The following CPSF4L variants were observed in gnomAD, a reference collection of about 807,000 sequenced individuals.
The protein encoded by CPSF4L is cleavage and polyadenylation specific factor 4 like, also known as putative cleavage and polyadenylation specificity factor subunit 4-like protein.
Under a neutral mutation model 24.0 loss-of-function variants are expected in CPSF4L, and 18 were observed. The ratio of observed to expected loss-of-function variants is 0.75; its 90% CI spans 0.52 to 1.11. The LOEUF is 1.11. Ranked by LOEUF, CPSF4L falls within the 50% of genes least tolerant of loss-of-function variation. The pLI is 0.00. For synonymous variants in CPSF4L, 72 were observed against 77.2 expected (o/e 0.93, Z 0.35); for missense variants, 211 against 221.8 (o/e 0.95, Z 0.31).
chr17:73,250,700 C>T (rs1263471092), intron 5 of CPSF4L, among the ~76,000 whole-genome samples: 19 of 152,216 alleles, frequency 1.2e-4, no homozygotes, highest in Non-Finnish European at 5.9e-5. Context: ...TAACCATACT[C>T]TGCCCTCCTG....
At chr17:73,260,824 G>A in intron 2 of CPSF4L, 109 bp downstream of exon 2, 1 of 705,836 alleles carries the variant, frequency 1.4e-6, no homozygotes, top group Non-Finnish European at 2.3e-6. Context: ...TCCCTCCCCA[G>A]GTGCAAATTC....
downstream of CPSF4L, chr17:73,248,173 T>A (rs1017487932): frequency 6.6e-6 from 2 of 303,704 alleles, no homozygotes; most frequent in Non-Finnish European, 1.2e-5. Context: ...TTCCTATCAG[T>A]TCATTTGCAC....
chr17:73,251,058 A>G (rs2145274445), intron 5 of CPSF4L: 1 of 1,549,848 alleles, frequency 6.5e-7, no homozygotes, highest in East Asian at 2.4e-5. Flanking sequence ...CCAAGCTTCC[A>G]CAGCAGAAAT....
At chr17:73,256,063 CT>C (rs1434939919) in intron 3 of CPSF4L, among the ~76,000 whole-genome samples, 1 of 152,182 alleles carries the variant, frequency 6.6e-6, no homozygotes, top group Non-Finnish European at 1.5e-5. Context: ...TAGATTACAT[CT>C]TGTAATCATG....
upstream of CPSF4L, chr17:73,261,898 G>A (rs2062048204): frequency 1.9e-6 from 2 of 1,078,910 alleles, no homozygotes; most frequent in Admixed American, 4.1e-5. Context: ...AGGCCCTTAA[G>A]GGGCCAGCGC....
downstream of CPSF4L, chr17:73,245,543 T>A: frequency 1.0e-6 from 1 of 985,400 alleles, no homozygotes; most frequent in Non-Finnish European, 1.2e-6. Flanking sequence ...AAAGCTAGTA[T>A]CTCATTACCA....
At position 73,260,968 on chromosome 17, in the gene CPSF4L, A is replaced by G. The variant is rs1205212182; in HGVS notation, c.119T>C (p.Val40Ala). The G allele has an allele frequency of 1.9e-6, 3 of 1,550,518 alleles. No individual in the cohort carries two copies. Among genetic ancestry groups the G allele is most frequent in the Admixed American group, 3.9e-5 (2 of 50,944 alleles). The change falls in exon 2 of 6, where the codon GTG (valine) becomes GCG (alanine). Residue 40 changes from valine (V) to alanine (A), a missense_variant. By Grantham distance (64) the Val-to-Ala change is moderately conservative. Transcript: ENST00000344935. ...FQGMDKSASAVCNFFTKGLCE... is the reference protein window; with the variant it reads ...FQGMDKSASAACNFFTKGLCE... ...GAGCCCTTTAGTGAAGAAGTTGCAC[A>G]CAGCTGAGGCCGACTCTGGAAGGAG...
At chr17:73,245,829 A>G (rs1289131349), downstream of CPSF4L, 2 of 620,728 alleles carry the variant, frequency 3.2e-6, no homozygotes, top group Non-Finnish European at 4.0e-6. Flanking sequence ...AATTGAGTAT[A>G]ATAATGAACC....
At chr17:73,257,286 G>T (rs2062027591) in intron 3 of CPSF4L, among the ~76,000 whole-genome samples, 1 of 152,142 alleles carries the variant, frequency 6.6e-6, no homozygotes, top group Non-Finnish European at 1.5e-5. Context: ...CTGGGGCTTT[G>T]AGGGTACAGC....
intron 4 of CPSF4L, 94 bp downstream of exon 4, chr17:73,253,837 G>GC: frequency 1.3e-6 from 1 of 761,700 alleles, no homozygotes; most frequent in East Asian, 2.7e-5. Context: ...TTTCTCCAAG[G>GC]CACAGCCTCA....
At chr17:73,247,680 G>C (rs1053523202), downstream of CPSF4L, 1 of 198,138 alleles carries the variant, frequency 5.0e-6, no homozygotes, top group African/African-American at 2.3e-5. Context: ...TAAGGCAAAG[G>C]TGAGATCCTG....
At chr17:73,257,369 T>G (rs1473244621) in intron 3 of CPSF4L, among the ~76,000 whole-genome samples, 1 of 151,890 alleles carries the variant, frequency 6.6e-6, no homozygotes, top group African/African-American at 2.4e-5. Flanking sequence ...ATGGCTCATT[T>G]GAGACATTTC....
At chr17:73,252,756 C>A in intron 4 of CPSF4L, 33 bp from the exon 5 acceptor site, 1 of 1,458,400 alleles carries the variant, frequency 6.9e-7, no homozygotes, top group Non-Finnish European at 9.4e-7. Context: ...TGAGAAGGAT[C>A]CGCTTCAGCA....
rs917410480 is a variant in CPSF4L, at chr17:73,261,762, G to A, written c.57C>T (p.Val19=). 2.6e-6 allele frequency: 4 copies of A among 1,551,632 alleles called. No individual in the cohort carries two copies. Among genetic ancestry groups the A allele is most frequent in the Non-Finnish European group, 3.5e-6 (4 of 1,146,982 alleles). ...GGAGCCCAGTGCCCTTCTGCATCTC[G>A]ACATCCTTCTCGAAGGCAAAGGTGA... ...ERFTFAFEKD[V]EMQKGTGLLP... is the part of the protein sequence containing the mutation. The change falls in exon 1 of 6, where the codon GTC becomes GTT. Residue 19 remains valine, a synonymous_variant. Transcript: ENST00000344935.
At chr17:73,262,539 G>C (rs976484308), upstream of CPSF4L, among the ~76,000 whole-genome samples, 1 of 152,222 alleles carries the variant, frequency 6.6e-6, no homozygotes, top group East Asian at 1.9e-4. Flanking sequence ...GATTCCACAG[G>C]GCCACCCAGT....
At chr17:73,250,125 C>T in intron 5 of CPSF4L, 1 of 849,576 alleles carries the variant, frequency 1.2e-6, no homozygotes, top group Non-Finnish European at 1.7e-6. Flanking sequence ...CTGCCACAGG[C>T]TACTTCTGCA....
Position 73,248,495 on chromosome 17 carries a change from T to C in CPSF4L, c.539A>G (p.Ter180=). The part of the protein sequence containing the change: ...EFKLLPGSKI[*] ...GCCCCGCTAGGTAAGAAGCAACGCT[T>C]AGATCTTGCTTCCAGGCAGCAGCTT... The change falls in exon 6 of 6, where the codon TAA becomes TGA. Residue 180 remains the stop codon, a stop_retained_variant. Coordinates refer to ENST00000344935, the MANE Select transcript of CPSF4L (RefSeq NM_001129885.1). 6.4e-7 allele frequency: 1 copy of C among 1,551,684 alleles called. No homozygotes were observed. Among genetic ancestry groups the C allele is most frequent in the Non-Finnish European group, 8.7e-7 (1 of 1,146,974 alleles).
upstream of CPSF4L, among the ~76,000 whole-genome samples, chr17:73,263,419 G>A (rs112956377): frequency 8.0e-3 from 1,218 of 152,258 alleles, 17 homozygotes; most frequent in African/African-American, 0.028. Flanking sequence ...ACAATAATGC[G>A]ATGGAGGCAT....
At chr17:73,258,606 C>A (rs944494559) in intron 2 of CPSF4L, among the ~76,000 whole-genome samples, 4 of 152,032 alleles carry the variant, frequency 2.6e-5, no homozygotes, top group African/African-American at 9.7e-5. Flanking sequence ...CTGGCCAGGG[C>A]AAGCTCTTCT....
Sources: gnomAD v4.1 joint callset for allele counts (sites outside exome capture counted in the v4.1 genomes callset) on GRCh38, gnomAD v4.1.1 for gene constraint, MANE v1.5 for transcripts, NCBI Gene and HGNC (gene_info 2026-07-23, HGNC 2026-07-21) for gene names.